Variants in ASTN1 observed in about 807,000 individuals in gnomAD.
ASTN1 encodes astrotactin-1.
Under a neutral mutation model 140.7 loss-of-function variants are expected in ASTN1, and 41 were observed. The observed-to-expected ratio is 0.29, with a 90% CI of 0.23 to 0.38. The LOEUF is 0.38. ASTN1 is among the 10% of genes least tolerant of loss of function. ASTN1 has a pLI of 1.00. For missense variants in ASTN1, 1,479 were observed against 1,678.8 expected, an observed-to-expected ratio of 0.88 and a Z score of 2.08; for synonymous variants, 640 against 652.2, an observed-to-expected ratio of 0.98 and a Z score of 0.29.
intron 16 of ASTN1, among the ~76,000 whole-genome samples, chr1:176,916,410 T>TCTGCTGCTCAGTAATC (rs1288412078): frequency 6.6e-6 from 1 of 152,164 alleles, no homozygotes; most frequent in Non-Finnish European, 1.5e-5. Flanking sequence ...AGGCAGTAAT[T>TCTGCTGCTCAGTAATC]CTGCTGCTCA....
At chr1:177,025,438 A>G (rs1321194405) in intron 5 of ASTN1, among the ~76,000 whole-genome samples, 2 of 150,996 alleles carry the variant, frequency 1.3e-5, no homozygotes, top group Admixed American at 6.6e-5. Context: ...TTTTTTTTGT[A>G]CCATTGTTAT....
intron 20 of ASTN1, among the ~76,000 whole-genome samples, chr1:176,880,871 A>T (rs1668765171): frequency 6.6e-6 from 1 of 152,206 alleles, no homozygotes; most frequent in Non-Finnish European, 1.5e-5. Flanking sequence ...TCAATTAAAA[A>T]ATGGAAACAA....
chr1:176,966,595 A>T (rs1224344681), intron 8 of ASTN1, among the ~76,000 whole-genome samples: 1 of 152,208 alleles, frequency 6.6e-6, no homozygotes, highest in African/African-American at 2.4e-5. Flanking sequence ...ACTACTTTAT[A>T]ATTTGAGCGG....
chr1:177,047,197 G>C (rs961710711), intron 2 of ASTN1, among the ~76,000 whole-genome samples: 1 of 152,112 alleles, frequency 6.6e-6, no homozygotes, highest in Non-Finnish European at 1.5e-5. Context: ...GAGAAAAGGG[G>C]GTCAGAAACA....
chr1:176,980,164 A>G (rs549697626), intron 8 of ASTN1, among the ~76,000 whole-genome samples: 12 of 152,138 alleles, frequency 7.9e-5, no homozygotes, highest in South Asian at 4.2e-4. Flanking sequence ...TGAAACAACA[A>G]TTTAGGGTGG....
intron 9 of ASTN1, among the ~76,000 whole-genome samples, chr1:176,961,257 G>T (rs1419173433): frequency 6.6e-6 from 1 of 152,106 alleles, no homozygotes; most frequent in Non-Finnish European, 1.5e-5. Context: ...TTAAACTCTG[G>T]GTTTAAACGG....
chr1:176,908,521 G>A (rs1278520759), intron 16 of ASTN1, among the ~76,000 whole-genome samples: 1 of 152,186 alleles, frequency 6.6e-6, no homozygotes, highest in Admixed American at 6.5e-5. Context: ...TGGCAAAGAT[G>A]TCTTCACCTG....
At chr1:177,075,438 AAAT>A (rs200844201) in intron 1 of ASTN1, among the ~76,000 whole-genome samples, 1 of 140,824 alleles carries the variant, frequency 7.1e-6, no homozygotes, top group Non-Finnish European at 1.6e-5. Context: ...AAAAAAAAAA[AAAT>A]ACTAAGTAGC....
intron 11 of ASTN1, among the ~76,000 whole-genome samples, chr1:176,955,579 A>C (rs188651740): frequency 6.6e-6 from 1 of 152,382 alleles, no homozygotes; most frequent in African/African-American, 2.4e-5. Flanking sequence ...GACTTTCTGC[A>C]GTGGCTCCAA....
chr1:176,882,547 ATT>A (rs34500428), intron 20 of ASTN1, among the ~76,000 whole-genome samples: 8 of 151,366 alleles, frequency 5.3e-5, no homozygotes, highest in Admixed American at 6.6e-5. Context: ...CTCTTTTACA[ATT>A]TTTTTTTTCA....
intron 1 of ASTN1, among the ~76,000 whole-genome samples, chr1:177,085,286 C>T (rs1426031459): frequency 6.6e-6 from 1 of 152,080 alleles, no homozygotes; most frequent in Non-Finnish European, 1.5e-5. Context: ...CTAGTGCTTC[C>T]TGACAACTAA....
chr1:177,102,494 G>A (rs1680348173), intron 1 of ASTN1, among the ~76,000 whole-genome samples: 1 of 152,010 alleles, frequency 6.6e-6, no homozygotes, highest in Admixed American at 6.5e-5. Flanking sequence ...TCCCCATCAA[G>A]GTAACTTTAA....
intron 8 of ASTN1, among the ~76,000 whole-genome samples, chr1:176,979,418 G>A (rs1673510557): frequency 6.6e-6 from 1 of 152,118 alleles, no homozygotes; most frequent in Non-Finnish European, 1.5e-5. Context: ...TGACCTGGTT[G>A]GTCCTTTCTC....
At chr1:177,110,090 G>T (rs1680748766) in intron 1 of ASTN1, among the ~76,000 whole-genome samples, 1 of 151,990 alleles carries the variant, frequency 6.6e-6, no homozygotes, top group Non-Finnish European at 1.5e-5. Flanking sequence ...ATTAATATTT[G>T]ATTCTTTCTC....
intron 1 of ASTN1, among the ~76,000 whole-genome samples, chr1:177,081,418 C>T (rs1327139968): frequency 6.6e-6 from 1 of 151,972 alleles, no homozygotes; most frequent in Non-Finnish European, 1.5e-5. Context: ...GGGTCAGTTG[C>T]CAAGAATACA....
At chr1:176,891,238 C>A (rs1233827683) in intron 17 of ASTN1, among the ~76,000 whole-genome samples, 1 of 152,144 alleles carries the variant, frequency 6.6e-6, no homozygotes, top group Non-Finnish European at 1.5e-5. Context: ...AGATTTAATT[C>A]TTATTCCAGG....
intron 16 of ASTN1, among the ~76,000 whole-genome samples, chr1:176,905,231 G>C (rs1401972989): frequency 6.6e-6 from 1 of 152,186 alleles, no homozygotes; most frequent in South Asian, 2.1e-4. Flanking sequence ...TCAGCTGAAT[G>C]TTACAACATG....
At chr1:177,068,936 A>C (rs1191124211) in intron 1 of ASTN1, among the ~76,000 whole-genome samples, 1 of 150,420 alleles carries the variant, frequency 6.6e-6, no homozygotes, top group Non-Finnish European at 1.5e-5. Flanking sequence ...TTCCTACCTC[A>C]GCTTCCCAAG....
chr1:177,090,119 T>C (rs1679675326), intron 1 of ASTN1, among the ~76,000 whole-genome samples: 1 of 151,968 alleles, frequency 6.6e-6, no homozygotes, highest in Admixed American at 6.6e-5. Flanking sequence ...ACAATTTATA[T>C]ACAATTATAT....
Sources: allele counts gnomAD v4.1 joint callset (sites outside exome capture counted in the v4.1 genomes callset), GRCh38; gene constraint gnomAD v4.1.1; transcripts MANE v1.5; gene names NCBI Gene and HGNC (gene_info 2026-07-23, HGNC 2026-07-21).